Variants in COL26A1 observed in about 807,000 individuals in gnomAD.
COL26A1 encodes the protein collagen alpha-1(XXVI) chain.
COL26A1 carries 41 observed loss-of-function variants against 59.3 expected under a neutral mutation model. The ratio of observed to expected loss-of-function variants is 0.69; its 90% CI spans 0.54 to 0.90. The LOEUF is 0.90. Ranked by LOEUF, COL26A1 falls within the 40% of genes least tolerant of loss-of-function variation. The pLI, the probability that COL26A1 is intolerant of heterozygous loss-of-function variation, is 0.00. For synonymous variants in COL26A1, 266 were observed against 256.0 expected (o/e 1.04, Z -0.37); for missense variants, 612 against 602.3 (o/e 1.02, Z -0.17).
At chr7:101,393,604 A>G (rs1208748172) in intron 1 of COL26A1, among the ~76,000 whole-genome samples, 2 of 152,084 alleles carry the variant, frequency 1.3e-5, no homozygotes, top group Admixed American at 1.3e-4. Context: ...CTTCAATCCA[A>G]TCAAGTTGAC....
chr7:101,392,255 A>G (rs1461844766), intron 1 of COL26A1, among the ~76,000 whole-genome samples: 1 of 152,058 alleles, frequency 6.6e-6, no homozygotes, highest in Admixed American at 6.6e-5. Flanking sequence ...GTGAAGGTAC[A>G]TGAGGGCCAT....
intron 1 of COL26A1, among the ~76,000 whole-genome samples, chr7:101,364,136 C>T (rs1003531439): frequency 1.3e-5 from 2 of 152,122 alleles, no homozygotes; most frequent in African/African-American, 2.4e-5. Flanking sequence ...ACCCCCGGGA[C>T]GCTCAGGGCT....
chr7:101,556,028 T>C (rs935044681), intron 12 of COL26A1, among the ~76,000 whole-genome samples, 157 bp downstream of exon 12: 4 of 151,634 alleles, frequency 2.6e-5, no homozygotes, highest in African/African-American at 4.8e-5. Context: ...AGTGGCTCCC[T>C]GCTGCCCTTG....
At chr7:101,519,616 G>C (rs1442626112) in intron 3 of COL26A1, among the ~76,000 whole-genome samples, 1 of 152,178 alleles carries the variant, frequency 6.6e-6, no homozygotes, top group Non-Finnish European at 1.5e-5. Context: ...ACTGAACAGG[G>C]AGCGGGGTCA....
chr7:101,545,383 G>C lies in COL26A1; in HGVS notation c.749G>C (p.Gly250Ala), dbSNP rs1396242646. 2 of 1,588,498 alleles carry C rather than the reference G, an allele frequency of 1.3e-6. No individual in the cohort carries two copies. The highest frequency in any genetic ancestry group is 4.7e-5 in the East Asian group (2 of 43,008). The change falls in exon 7 of 13, where the codon GGG becomes GCG. Residue 250 changes from glycine to alanine, a missense_variant. By Grantham distance (60) the Gly-to-Ala change is moderately conservative. Coordinates refer to ENST00000313669, the MANE Select transcript of COL26A1 (RefSeq NM_001278563.3). ...PGPRGLPGEM[G>A]RPGPPGPPGP... ...CCCCGTGGGCTTCCTGGAGAGATGG[G>C]GCGCCCCGGCCCCCCAGGACCACCC...
At chr7:101,426,128 A>G (rs969221513) in intron 2 of COL26A1, among the ~76,000 whole-genome samples, 1 of 152,062 alleles carries the variant, frequency 6.6e-6, no homozygotes, top group African/African-American at 2.4e-5. Context: ...TCAGGCCAGC[A>G]TAATTTTTTA....
intron 3 of COL26A1, among the ~76,000 whole-genome samples, chr7:101,515,144 A>G (rs1795002961): frequency 6.6e-6 from 1 of 152,170 alleles, no homozygotes; most frequent in South Asian, 2.1e-4. Context: ...CAAGGCAGAC[A>G]AGAGCCCCAA....
At chr7:101,450,658 TATATA>T (rs759311777) in intron 3 of COL26A1, among the ~76,000 whole-genome samples, 5 of 148,808 alleles carry the variant, frequency 3.4e-5, no homozygotes, top group Non-Finnish European at 7.4e-5. Context: ...ATTATTGAAA[TATATA>T]ATATATAGTA....
chr7:101,489,680 C>CTTTTT (rs1563007460), intron 3 of COL26A1, among the ~76,000 whole-genome samples: 1 of 21,366 alleles, frequency 4.7e-5, no homozygotes. Flanking sequence ...TTCCTTCCTT[C>CTTTTT]CTTTCTTTCT....
intron 4 of COL26A1, among the ~76,000 whole-genome samples, chr7:101,534,567 T>G (rs111617583): frequency 5.9e-5 from 9 of 151,854 alleles, no homozygotes; most frequent in African/African-American, 2.2e-4. Flanking sequence ...GGGACACACA[T>G]ATGTAATACC....
intron 1 of COL26A1, among the ~76,000 whole-genome samples, chr7:101,410,901 T>C (rs1010139735): frequency 6.6e-6 from 1 of 152,186 alleles, no homozygotes; most frequent in African/African-American, 2.4e-5. Flanking sequence ...AGCTGGGGTC[T>C]TGCTACGTTG....
chr7:101,387,759 TATATATATATATATATA>T (rs1197284411), intron 1 of COL26A1, among the ~76,000 whole-genome samples: 3 of 44,324 alleles, frequency 6.8e-5, no homozygotes, highest in Admixed American at 3.3e-4. Context: ...TATATTTATA[TATATATATATATATATA>T]TATTTTTTTT....
chr7:101,507,265 GT>G, intron 3 of COL26A1, among the ~76,000 whole-genome samples: 2 of 152,112 alleles, frequency 1.3e-5, no homozygotes, highest in South Asian at 4.2e-4. Context: ...ACACTACTCC[GT>G]CTAGCCAATC....
At chr7:101,442,641 C>T (rs909224994) in intron 2 of COL26A1, among the ~76,000 whole-genome samples, 1 of 152,144 alleles carries the variant, frequency 6.6e-6, no homozygotes, top group African/African-American at 2.4e-5. Context: ...CCCCAGGCTC[C>T]TTAGATAGGA....
At chr7:101,498,808 G>A (rs79038677) in intron 3 of COL26A1, among the ~76,000 whole-genome samples, 9,435 of 152,196 alleles carry the variant, frequency 0.062, 390 homozygotes, top group Non-Finnish European at 0.094. Flanking sequence ...GTTGGGAGAC[G>A]CAGGCTGGAG....
chr7:101,496,141 C>T lies in COL26A1; in HGVS notation c.386-36941C>T, dbSNP rs115080310. Among the ~76,000 whole-genome samples, 937 of 152,226 alleles carry T rather than the reference C, an allele frequency of 6.2e-3. 7 individuals carry two copies. Among genetic ancestry groups the T allele is most frequent in the African/African-American group, 0.021 (865 of 41,548 alleles). ...AGGCATGGCCCAGTTCCCAGCAGCC[C>T]ACGTCTCCTGGCAAACCGGATGTTG... On this transcript the variant is annotated intron_variant, in intron 3 of 12. Transcript: ENST00000313669.
chr7:101,531,884 G>T (rs1795377429), intron 3 of COL26A1, among the ~76,000 whole-genome samples: 1 of 152,132 alleles, frequency 6.6e-6, no homozygotes, highest in South Asian at 2.1e-4. Flanking sequence ...GGGGGCCGTG[G>T]ACTGTGCGTG....
chr7:101,439,527 C>A (rs1009986491), intron 2 of COL26A1, among the ~76,000 whole-genome samples: 1 of 119,180 alleles, frequency 8.4e-6, no homozygotes, highest in Non-Finnish European at 1.6e-5. Flanking sequence ...GCACTCCAGC[C>A]TGGGCGACAG....
chr7:101,470,592 A>G (rs936221532), intron 3 of COL26A1, among the ~76,000 whole-genome samples: 2 of 151,708 alleles, frequency 1.3e-5, no homozygotes, highest in Non-Finnish European at 2.9e-5. Flanking sequence ...ATCTCTTTCT[A>G]TCTCCTGTAT....
Sources: allele counts gnomAD v4.1 joint callset (sites outside exome capture counted in the v4.1 genomes callset), GRCh38; gene constraint gnomAD v4.1.1; transcripts MANE v1.5; gene names NCBI Gene and HGNC (gene_info 2026-07-23, HGNC 2026-07-21).